CRLS1: variants seen among roughly 807,000 people sequenced by gnomAD.
CRLS1 encodes the protein cardiolipin synthase 1, also known as cardiolipin synthase (CMP-forming).
In CRLS1, 24 loss-of-function variants were observed where a neutral mutation model predicts 37.0. The observed-to-expected ratio is 0.65, with a 90% CI of 0.47 to 0.91. The LOEUF is 0.91. Ranked by LOEUF, CRLS1 falls within the 40% of genes least tolerant of loss-of-function variation. CRLS1 has a pLI of 0.00. For synonymous variants in CRLS1, 135 were observed against 159.7 expected (o/e 0.85, Z 1.17); for missense variants, 373 against 395.8 (o/e 0.94, Z 0.49).
intron 1 of CRLS1, chr20:6,007,479 AT>A: frequency 6.8e-7 from 1 of 1,474,018 alleles, no homozygotes; most frequent in Non-Finnish European, 9.4e-7. Flanking sequence ...GGATTTAATG[AT>A]TACAAATTAA....
intron 6 of CRLS1, 94 bp from the exon 7 acceptor site, chr20:6,036,980 C>A: frequency 1.2e-6 from 1 of 855,488 alleles, no homozygotes; most frequent in Non-Finnish European, 1.8e-6. Context: ...TTCATTTTTA[C>A]ATTTTAAATT....
chr20:6,035,351 A>G lies in CRLS1; in HGVS notation c.821+796A>G, dbSNP rs139057060. Among the ~76,000 whole-genome samples, 91 of 152,298 alleles carry G rather than the reference A, an allele frequency of 6.0e-4. No individual in the cohort carries two copies. In the East Asian group the frequency reaches 0.016, roughly 27 times the overall value. Reference sequence around the variant, plus strand: ...AGTGGGAGTTTTTTCTTTCTCGGATAAACTACATCCATAATACAAACCTCT... The same window carrying G: ...AGTGGGAGTTTTTTCTTTCTCGGATGAACTACATCCATAATACAAACCTCT... On this transcript the variant is annotated intron_variant, in intron 6 of 6. Transcript: ENST00000378863.
At chr20:6,012,030 G>GTTTTTT (rs11481861) in intron 2 of CRLS1, among the ~76,000 whole-genome samples, 1 of 147,708 alleles carries the variant, frequency 6.8e-6, no homozygotes. Flanking sequence ...TGTCTGCTAC[G>GTTTTTT]TTTTTTTTTT....
chr20:6,017,823 A>G (rs1327963129), intron 3 of CRLS1, among the ~76,000 whole-genome samples: 1 of 152,214 alleles, frequency 6.6e-6, no homozygotes, highest in East Asian at 1.9e-4. Flanking sequence ...AATATCTCTC[A>G]AAGTTTTATA....
At chr20:6,030,139 T>C (rs1181560760) in intron 3 of CRLS1, among the ~76,000 whole-genome samples, 2 of 151,972 alleles carry the variant, frequency 1.3e-5, no homozygotes, top group African/African-American at 4.8e-5. Context: ...TTTTCCCCCC[T>C]TTTTAAAAAT....
chr20:6,009,154 C>T (rs1338643643), intron 1 of CRLS1, among the ~76,000 whole-genome samples: 1 of 152,080 alleles, frequency 6.6e-6, no homozygotes, highest in Non-Finnish European at 1.5e-5. Flanking sequence ...GAAACCCCAT[C>T]TCTACTAAAA....
chr20:6,037,988 T>G lies in CRLS1; in HGVS notation c.*830T>G, dbSNP rs1475342488. 3.9e-5 allele frequency: 6 copies of G among 152,206 alleles called. No individual in the cohort carries two copies. Among genetic ancestry groups the G allele is most frequent in the African/African-American group, 1.4e-4 (6 of 41,454 alleles). 9.4% of individuals were successfully genotyped at this position (152,206 alleles called of 1,614,324 possible). ...TATATTTTTCAAAGGTTTTTTAAAC[T>G]TTGGAGACTCTTTCTTTTGTTAAGC... On this transcript the variant is annotated 3_prime_UTR_variant, in exon 7 of 7. Transcript: ENST00000378863.
chr20:6,014,884 GCAGATA>G (rs1978620902), intron 2 of CRLS1, among the ~76,000 whole-genome samples: 1 of 152,194 alleles, frequency 6.6e-6, no homozygotes, highest in Non-Finnish European at 1.5e-5. Flanking sequence ...TGTAGGTAAT[GCAGATA>G]CAGTCAGAGT....
chr20:6,026,319 GTGTGTGTGTGTGTGTGTGTGTGTA>G (rs1979695649), intron 3 of CRLS1: 2 of 141,170 alleles, frequency 1.4e-5, no homozygotes, highest in African/African-American at 5.7e-5. Flanking sequence ...GTGTTTGTGT[GTGTGTGTGTGTGTGTGTGTGTGTA>G]TATATATATA....
chr20:6,007,464 T>C, intron 1 of CRLS1: 1 of 1,547,960 alleles, frequency 6.5e-7, no homozygotes, highest in South Asian at 1.1e-5. Context: ...CTTTGAAACT[T>C]TTACGGATTT....
chr20:6,013,846 T>C (rs1978526382), intron 2 of CRLS1, among the ~76,000 whole-genome samples: 2 of 152,068 alleles, frequency 1.3e-5, no homozygotes, highest in African/African-American at 2.4e-5. Context: ...TAAGCAGTGT[T>C]GAAGGAGAGT....
intron 6 of CRLS1, among the ~76,000 whole-genome samples, chr20:6,035,808 A>G (rs375826069): frequency 6.7e-6 from 1 of 149,708 alleles, no homozygotes; most frequent in East Asian, 2.0e-4. Context: ...TTAATTAATT[A>G]ATTTATTTAT....
intron 1 of CRLS1, among the ~76,000 whole-genome samples, chr20:6,008,517 C>T (rs966180776): frequency 2.0e-5 from 3 of 152,184 alleles, no homozygotes; most frequent in African/African-American, 7.2e-5. Flanking sequence ...CAGCTTGGCT[C>T]CAAATGAGTT....
intron 3 of CRLS1, among the ~76,000 whole-genome samples, chr20:6,029,286 TG>T (rs1291953673): frequency 6.6e-6 from 1 of 152,074 alleles, no homozygotes; most frequent in Non-Finnish European, 1.5e-5. Context: ...CCTACATTCC[TG>T]GTTAAATGCA....
At chr20:6,036,997 A>G (rs938391431) in intron 6 of CRLS1, 77 bp from the exon 7 acceptor site, 7 of 965,718 alleles carry the variant, frequency 7.2e-6, no homozygotes, top group Admixed American at 5.7e-5. Context: ...AATTCATTGC[A>G]TGTATTCATT....
upstream of CRLS1, chr20:6,005,947 G>C (rs1481005220): frequency 1.6e-5 from 4 of 250,256 alleles, no homozygotes; most frequent in South Asian, 1.7e-4. Context: ...CAGGAGAAGA[G>C]AGCGCCGCGT....
chr20:6,012,065 G>T (rs1258123457), intron 2 of CRLS1, among the ~76,000 whole-genome samples: 2 of 149,110 alleles, frequency 1.3e-5, no homozygotes, highest in Non-Finnish European at 3.0e-5. Context: ...ACATGAGATT[G>T]CAGTATTCAT....
At chr20:6,036,591 A>G (rs1190592584) in intron 6 of CRLS1, among the ~76,000 whole-genome samples, 2 of 152,264 alleles carry the variant, frequency 1.3e-5, no homozygotes, top group Non-Finnish European at 2.9e-5. Flanking sequence ...TAGAAAGAGC[A>G]TGTGGGCTTT....
At chr20:6,021,065 CT>C (rs148717152) in intron 3 of CRLS1, among the ~76,000 whole-genome samples, 9,024 of 114,236 alleles carry the variant, frequency 0.079, 683 homozygotes, top group African/African-American at 0.28. Context: ...TGTTTTGTAT[CT>C]TTTTTTTTTT....
Sources: gnomAD v4.1 joint callset for allele counts (sites outside exome capture counted in the v4.1 genomes callset) on GRCh38, gnomAD v4.1.1 for gene constraint, MANE v1.5 for transcripts, NCBI Gene and HGNC (gene_info 2026-07-23, HGNC 2026-07-21) for gene names.